The following ABCB4 variants were observed in gnomAD, a reference collection of about 807,000 sequenced individuals.
The protein encoded by ABCB4 is phosphatidylcholine translocator ABCB4.
In ABCB4, 76 loss-of-function variants were observed where a neutral mutation model predicts 145.7. That is an observed-to-expected ratio of 0.52 (90% CI 0.43 to 0.63). The LOEUF (loss-of-function observed/expected upper bound fraction) is 0.63, where lower values mean the gene tolerates loss of function less well. Ranked by LOEUF, ABCB4 falls within the 30% of genes least tolerant of loss-of-function variation. ABCB4 has a pLI of 0.00. For missense variants in ABCB4, 1,234 were observed against 1,553.1 expected, an observed-to-expected ratio of 0.79 and a Z score of 3.45; for synonymous variants, 517 against 566.8, an observed-to-expected ratio of 0.91 and a Z score of 1.25.
At chr7:87,370,449 C>A in the ABCB4 span, among the ~76,000 whole-genome samples, 1 of 152,158 alleles carries the variant, frequency 6.6e-6, no homozygotes, top group East Asian at 1.9e-4. Flanking sequence ...TCCCAAAGTG[C>A]TGGGATTACA....
intron 2 of ABCB4, among the ~76,000 whole-genome samples, chr7:87,472,999 A>C (rs1342891713): frequency 6.6e-6 from 1 of 152,204 alleles, no homozygotes; most frequent in Non-Finnish European, 1.5e-5. Flanking sequence ...CATGATTTAA[A>C]ATTAGGAATG....
rs570920879 is a variant in ABCB4, at chr7:87,409,462, G to A, written c.2925-70C>T. On this transcript the variant is annotated intron_variant, in intron 23 of 27. Coordinates refer to ENST00000649586, the MANE Select transcript of ABCB4 (RefSeq NM_000443.4). Reference sequence around the variant, plus strand: ...CTCCATGATGTTTGAAAGTCTAAAGGTATAGTGCTTACCAGTATTTTTTCC... The same window carrying A: ...CTCCATGATGTTTGAAAGTCTAAAGATATAGTGCTTACCAGTATTTTTTCC... The A allele has an allele frequency of 5.3e-6, 8 of 1,500,138 alleles. No individual in the cohort carries two copies. The African/African-American group carries it at 8.3e-5, about 16-fold the overall frequency. 92.9% of individuals were successfully genotyped at this position (1,500,138 alleles called of 1,614,324 possible). A position where few individuals can be genotyped will look rare whatever the true frequency, so the allele number is the denominator to read the frequency against.
At chr7:87,464,319 G>A (rs1056972324) in intron 3 of ABCB4, among the ~76,000 whole-genome samples, 12 of 152,172 alleles carry the variant, frequency 7.9e-5, no homozygotes, top group East Asian at 1.9e-4. Flanking sequence ...CAAGAGAACC[G>A]AAAGAGACAA....
chr7:87,434,524 C>T (rs45601534), intron 14 of ABCB4, among the ~76,000 whole-genome samples: 3 of 152,028 alleles, frequency 2.0e-5, no homozygotes, highest in East Asian at 1.9e-4. Flanking sequence ...CCGAGGCAGG[C>T]GAATCACGAG....
intron 2 of ABCB4, among the ~76,000 whole-genome samples, chr7:87,473,136 C>T (rs1299037697): frequency 6.6e-6 from 1 of 152,224 alleles, no homozygotes; most frequent in African/African-American, 2.4e-5. Flanking sequence ...CAGCCTCCTG[C>T]CTAGTCTCTC....
In ABCB4 at chr7:87,418,529, C is replaced by G. The variant is rs1809157657; in HGVS notation, c.2478+8G>C. The G allele has an allele frequency of 1.2e-6, 2 of 1,613,732 alleles. No individual in the cohort carries two copies. The highest frequency in any genetic ancestry group is 1.7e-6 in the Non-Finnish European group (2 of 1,179,620). On this transcript the variant is annotated splice_region_variant and intron_variant, in intron 20 of 27. Coordinates refer to ENST00000649586, the MANE Select transcript of ABCB4 (RefSeq NM_000443.4). The stretch of plus-strand genomic sequence containing the variant: ...TAAAAAACTACAAGTAGAGTGCAGT[C>G]TACCTACTCCTTGGACTTGGGCAGC...
intron 22 of ABCB4, among the ~76,000 whole-genome samples, chr7:87,413,090 G>C (rs186287124): frequency 6.6e-6 from 1 of 152,326 alleles, no homozygotes; most frequent in African/African-American, 2.4e-5. Flanking sequence ...GGCTGCAGTG[G>C]AAATGAGTGG....
At chr7:87,419,788 G>GAAAAAA (rs200409056) in intron 19 of ABCB4, among the ~76,000 whole-genome samples, 1 of 42,326 alleles carries the variant, frequency 2.4e-5, no homozygotes, top group African/African-American at 6.8e-5. Flanking sequence ...CTATTTCTAT[G>GAAAAAA]AAAAAAAACA....
At chr7:87,391,569 C>T in the ABCB4 span, 1 of 1,582,608 alleles carries the variant, frequency 6.3e-7, no homozygotes, top group Non-Finnish European at 8.5e-7. Context: ...ATGATACACT[C>T]TTTTAATTTT....
intron 26 of ABCB4, 134 bp downstream of exon 26, chr7:87,406,154 C>A: frequency 1.1e-6 from 1 of 887,018 alleles, no homozygotes; most frequent in Non-Finnish European, 1.8e-6. Flanking sequence ...GCTTGGTATC[C>A]TGAAGTGCCT....
In ABCB4 at chr7:87,444,942, C is replaced by T. The variant is rs1487551764; in HGVS notation, c.1039G>A (p.Val347Ile). The T allele has an allele frequency of 6.2e-7, 1 of 1,606,082 alleles. No individual in the cohort carries two copies. Among genetic ancestry groups the T allele is most frequent in the Admixed American group, 1.7e-5 (1 of 59,900 alleles). The change falls in exon 10 of 28, where the codon GTT becomes ATT. Residue 347 changes from valine (V) to isoleucine (I), a missense_variant. Transcript: ENST00000649586. ...FFSILIGAFS[V>I]GQAAPCIDAF... ...TCAATACATGGGGCAGCCTGGCCAA[C>T]ACTGAAAGCTCCAATTAGGATTGAA...
At chr7:87,384,244 C>T in the ABCB4 span, among the ~76,000 whole-genome samples, 5 of 151,974 alleles carry the variant, frequency 3.3e-5, no homozygotes, top group Non-Finnish European at 7.4e-5. Flanking sequence ...CTATTAAGAT[C>T]ATTTGTCACT....
chr7:87,376,871 C>T, the ABCB4 span, among the ~76,000 whole-genome samples: 7 of 152,058 alleles, frequency 4.6e-5, no homozygotes, highest in South Asian at 4.2e-4. Flanking sequence ...TTTTATTCTC[C>T]TTTTTTGTAA....
At chr7:87,445,060 C>A in intron 9 of ABCB4, 85 bp from the exon 10 acceptor site, 2 of 877,270 alleles carry the variant, frequency 2.3e-6, no homozygotes, top group Non-Finnish European at 1.8e-6. Flanking sequence ...TAACATAGTA[C>A]ATAAAGGATT....
At chr7:87,399,215 C>T (rs757406684), downstream of ABCB4, 1 of 153,258 alleles carries the variant, frequency 6.5e-6, no homozygotes, top group Non-Finnish European at 1.5e-5. Flanking sequence ...TGGCTCATGC[C>T]TATAATCTTA....
the ABCB4 span, among the ~76,000 whole-genome samples, chr7:87,383,497 C>CTCT: frequency 7.7e-6 from 1 of 130,456 alleles, no homozygotes. Context: ...ATGTATATCA[C>CTCT]TTTTTTTTTT....
intron 23 of ABCB4, among the ~76,000 whole-genome samples, chr7:87,411,388 T>C (rs1212164807): frequency 6.6e-6 from 1 of 152,128 alleles, no homozygotes; most frequent in Non-Finnish European, 1.5e-5. Flanking sequence ...TAGTTTGCCT[T>C]GGAAACCAAG....
the ABCB4 span, chr7:87,381,996 A>G: frequency 1.9e-6 from 3 of 1,592,652 alleles, no homozygotes; most frequent in East Asian, 6.7e-5. Flanking sequence ...GATGGAAGGT[A>G]TGTTTGAATA....
At chr7:87,428,903 T>A (rs1810018253) in intron 15 of ABCB4, among the ~76,000 whole-genome samples, 1 of 152,208 alleles carries the variant, frequency 6.6e-6, no homozygotes. Context: ...TAGAATGTAA[T>A]GTTTGGATTT....
Sources: allele counts gnomAD v4.1 joint callset (sites outside exome capture counted in the v4.1 genomes callset), GRCh38; gene constraint gnomAD v4.1.1; transcripts MANE v1.5; gene names NCBI Gene and HGNC (gene_info 2026-07-23, HGNC 2026-07-21).